The following NSD1 variants were observed in gnomAD, a reference collection of about 807,000 sequenced individuals.
NSD1 encodes the protein nuclear receptor binding SET domain protein 1.
Under a neutral mutation model 242.7 loss-of-function variants are expected in NSD1, and 26 were observed. The ratio of observed to expected loss-of-function variants is 0.11; its 90% confidence interval spans 0.08 to 0.15. The LOEUF (loss-of-function observed/expected upper bound fraction) is 0.15. Ranked by LOEUF, NSD1 falls within the 10% of genes least tolerant of loss-of-function variation. The probability of loss-of-function intolerance (pLI) is 1.00; values close to 1 mark genes in which losing one functional copy is unlikely to be tolerated. For synonymous variants in NSD1, 1,106 were observed against 1,178.1 expected, an observed-to-expected ratio of 0.94 and a Z score of 1.25; for missense variants, 2,495 against 3,272.8, an observed-to-expected ratio of 0.76 and a Z score of 5.80.
At chr5:177,182,382 C>CATG (rs1269959345) in intron 2 of NSD1, among the ~76,000 whole-genome samples, 1 of 152,120 alleles carries the variant, frequency 6.6e-6, no homozygotes, top group Admixed American at 6.6e-5. Flanking sequence ...AGCAAGCAGC[C>CATG]ATGAACACTG....
At chr5:177,281,208 G>A (rs1476520586) in intron 18 of NSD1, among the ~76,000 whole-genome samples, 1 of 152,138 alleles carries the variant, frequency 6.6e-6, no homozygotes, top group East Asian at 1.9e-4. Context: ...GAAAAAACAG[G>A]TCTGGCTTCA....
At chr5:177,280,472 G>A (rs1271083992) in intron 17 of NSD1, 93 bp from the exon 18 acceptor site, 5 of 1,407,498 alleles carry the variant, frequency 3.6e-6, no homozygotes, top group African/African-American at 1.4e-5. Flanking sequence ...AAATGTGGCT[G>A]CAACTTCAAG....
chr5:177,226,289 C>T (rs1045528753), intron 5 of NSD1, among the ~76,000 whole-genome samples: 6 of 152,128 alleles, frequency 3.9e-5, no homozygotes, highest in African/African-American at 1.4e-4. Context: ...CCTGCTTTAG[C>T]CTCCCAAAGT....
At chr5:177,231,744 G>C (rs1165626416) in intron 5 of NSD1, among the ~76,000 whole-genome samples, 3 of 151,688 alleles carry the variant, frequency 2.0e-5, no homozygotes, top group Non-Finnish European at 4.4e-5. Flanking sequence ...TTTAAAGGAC[G>C]TACCCAAAAT....
At position 177,294,725 on chromosome 5, in the gene NSD1, G is replaced by C. The variant is rs771715106; in HGVS notation, c.7357G>C (p.Ala2453Pro). 4 of 1,614,236 alleles carry C rather than the reference G, an allele frequency of 2.5e-6. No homozygotes were observed. The highest frequency in any genetic ancestry group is 3.3e-5 in the Admixed American group (2 of 60,028). ...GAATACTCAGTCAAAAAATAGAGCTGCTTTGGTGATGGATCTCATAGACCT... is the reference window on the plus strand; with the variant it reads ...GAATACTCAGTCAAAAAATAGAGCTCCTTTGGTGATGGATCTCATAGACCT... ...DQNTQSKNRA[A>P]LVMDLIDLTP... Residue 2453 changes from alanine to proline, a missense_variant, in exon 23 of 23, where the codon GCT (alanine) becomes CCT (proline). By Grantham distance (27) the Ala-to-Pro change is conservative. This residue lies in a region of NSD1 where 475 missense variants were observed against 563.7 expected (regional missense o/e 0.84). Transcript: ENST00000439151.
In NSD1 at chr5:177,238,205, C is replaced by T; in HGVS notation, c.3922-32C>T. ...ACACTTAAATTACAACAATTTTGGC[C>T]TGTGGACTCTATTTTTATTTTTTGT... is the stretch of plus-strand genomic sequence containing the variant. On this transcript the variant is annotated intron_variant, in intron 6 of 22. Coordinates refer to ENST00000439151, the MANE Select transcript of NSD1 (RefSeq NM_022455.5). This position sits in a 1 kb window ranked among gnomAD's most constrained non-coding sequence, Gnocchi z 4.6. 6.2e-7 allele frequency: 1 copy of T among 1,613,468 alleles called. No individual in the cohort carries two copies. The highest frequency in any genetic ancestry group is 8.5e-7 in the Non-Finnish European group (1 of 1,179,584).
chr5:177,145,199 CTT>C (rs1341428184), intron 2 of NSD1, among the ~76,000 whole-genome samples: 4 of 151,560 alleles, frequency 2.6e-5, no homozygotes, highest in African/African-American at 2.4e-5. Flanking sequence ...GAAATTGTCT[CTT>C]CTCTCTACAC....
chr5:177,219,901 G>A (rs1442986357), intron 5 of NSD1, among the ~76,000 whole-genome samples: 1 of 152,104 alleles, frequency 6.6e-6, no homozygotes, highest in Non-Finnish European at 1.5e-5. Flanking sequence ...GGTAGATGTT[G>A]CAGCGAGCTG....
chr5:177,164,655 A>G (rs1219326190), intron 2 of NSD1, among the ~76,000 whole-genome samples: 2 of 152,122 alleles, frequency 1.3e-5, no homozygotes, highest in African/African-American at 4.8e-5. Flanking sequence ...AAATTGAGGT[A>G]AAACGGCCAG....
chr5:177,185,146 T>C (rs1760998874), intron 2 of NSD1, among the ~76,000 whole-genome samples: 1 of 152,178 alleles, frequency 6.6e-6, no homozygotes, highest in Non-Finnish European at 1.5e-5. Flanking sequence ...TCAAGTTGTG[T>C]ATCACTATAG....
At chr5:177,264,917 G>A in intron 14 of NSD1, 1 of 811,888 alleles carries the variant, frequency 1.2e-6, no homozygotes, top group Admixed American at 1.7e-5. Context: ...CTTCAAAAAG[G>A]AATGCCCCAC....
At chr5:177,185,800 TATATATAA>T (rs1310067977) in intron 2 of NSD1, among the ~76,000 whole-genome samples, 8 of 88,490 alleles carry the variant, frequency 9.0e-5, no homozygotes, top group East Asian at 3.1e-4. Flanking sequence ...TATATATATA[TATATATAA>T]ATTTATATAT....
intron 2 of NSD1, among the ~76,000 whole-genome samples, chr5:177,176,141 G>C (rs889011767): frequency 6.6e-6 from 1 of 152,206 alleles, no homozygotes; most frequent in Non-Finnish European, 1.5e-5. Flanking sequence ...CTCCCAAAGT[G>C]CTGGGATTGC....
At chr5:177,207,593 ATTTTTTT>A (rs150492535) in intron 4 of NSD1, among the ~76,000 whole-genome samples, 2,147 of 78,178 alleles carry the variant, frequency 0.027, 25 homozygotes, top group South Asian at 0.041. Flanking sequence ...ATTTATTTAA[ATTTTTTT>A]TTTTTTTTTT....
chr5:177,281,679 G>T (rs1407519474), intron 18 of NSD1, among the ~76,000 whole-genome samples: 1 of 152,022 alleles, frequency 6.6e-6, no homozygotes, highest in Non-Finnish European at 1.5e-5. Context: ...TTGAGAGAGG[G>T]TCTCACTCTG....
intron 2 of NSD1, among the ~76,000 whole-genome samples, chr5:177,146,106 T>C (rs1757219151): frequency 6.7e-6 from 1 of 148,858 alleles, no homozygotes; most frequent in Non-Finnish European, 1.5e-5. Flanking sequence ...TACAGAGAGG[T>C]CCCTTGTATA....
chr5:177,204,026 C>A, intron 3 of NSD1, 94 bp from the exon 4 acceptor site: 1 of 1,213,672 alleles, frequency 8.2e-7, no homozygotes, highest in Non-Finnish European at 1.2e-6. Context: ...TGTTTCCAGA[C>A]AGTCTTCTTT....
intron 14 of NSD1, chr5:177,266,530 C>T (rs1266619749): frequency 3.0e-6 from 2 of 657,214 alleles, no homozygotes; most frequent in Non-Finnish European, 5.3e-6. Flanking sequence ...CTTCTCGCTG[C>T]TTTCCGCCTG....
intron 14 of NSD1, chr5:177,266,125 G>A: frequency 3.6e-6 from 4 of 1,108,056 alleles, no homozygotes; most frequent in East Asian, 2.4e-5. Context: ...GGAAGATGAG[G>A]CTATTGGGCG....
Sources: gnomAD v4.1 joint callset for allele counts (sites outside exome capture counted in the v4.1 genomes callset) on GRCh38, gnomAD v4.1.1 for gene constraint, gnomAD v4.1.1 regional missense constraint, Gnocchi (gnomAD v3.1) non-coding constraint, MANE v1.5 for transcripts, NCBI Gene and HGNC (gene_info 2026-07-23, HGNC 2026-07-21) for gene names.